The following MUC13 variants were observed in gnomAD, a reference collection of about 807,000 sequenced individuals.
The protein encoded by MUC13 is mucin 13, cell surface associated.
MUC13 carries 32 observed loss-of-function variants against 48.3 expected under a neutral mutation model. The observed-to-expected ratio is 0.66, with a 90% confidence interval of 0.50 to 0.89. The LOEUF (loss-of-function observed/expected upper bound fraction) is 0.89. MUC13 is among the 40% of genes least tolerant of loss of function. The pLI is 0.00. For synonymous variants in MUC13, 199 were observed against 224.9 expected (o/e 0.88, Z 1.03); for missense variants, 571 against 622.8 (o/e 0.92, Z 0.88).
intron 6 of MUC13, among the ~76,000 whole-genome samples, chr3:124,915,554 G>T (rs764140016): frequency 5.9e-5 from 9 of 152,158 alleles, no homozygotes; most frequent in Non-Finnish European, 1.3e-4. Context: ...ATCCACTTGA[G>T]CCCAGCTCAA....
At chr3:124,920,452 C>T (rs1935576385) in intron 4 of MUC13, among the ~76,000 whole-genome samples, 163 bp from the exon 5 acceptor site, 1 of 152,194 alleles carries the variant, frequency 6.6e-6, no homozygotes, top group Admixed American at 6.5e-5. Context: ...TGAGCTGGGA[C>T]TGCCCCCACA....
intron 2 of MUC13, among the ~76,000 whole-genome samples, chr3:124,925,485 T>C (rs568337066): frequency 1.3e-5 from 2 of 152,340 alleles, no homozygotes; most frequent in African/African-American, 2.4e-5. Flanking sequence ...GGTTTATCAA[T>C]TGTAATAAAC....
In MUC13 at chr3:124,910,509, A is replaced by G; in HGVS notation, c.1253-10T>C. ...AGGATCAGCTGAAATTCTGAAAGGA[A>G]GAAGAAAATAAGAACAGTCTCCAAC... On this transcript the variant is annotated splice_polypyrimidine_tract_variant and intron_variant, in intron 9 of 11. Coordinates refer to ENST00000616727, the MANE Select transcript of MUC13 (RefSeq NM_033049.4). The G allele has an allele frequency of 6.2e-7, 1 of 1,613,946 alleles. No individual in the cohort carries two copies. The highest frequency in any genetic ancestry group is 1.1e-5 in the South Asian group (1 of 91,070).
rs1559996622 is a variant in MUC13, at chr3:124,910,600, G to A, written c.1253-101C>T. 9 of 1,522,232 alleles carry A rather than the reference G, an allele frequency of 5.9e-6. No individual in the cohort carries two copies. The East Asian group carries it at 1.2e-4, about 21-fold the overall frequency. 94.3% of individuals were successfully genotyped at this position (1,522,232 alleles called of 1,614,324 possible). A position where few individuals can be genotyped will look rare whatever the true frequency, so the allele number is the denominator to read the frequency against. On this transcript the variant is annotated intron_variant, in intron 9 of 11. Transcript: ENST00000616727. ...CCCAGGGACTCCTAGCTGTGAAGAC[G>A]ATCAGGTTCTGGTCTCCAACCCTCC...
intron 6 of MUC13, among the ~76,000 whole-genome samples, chr3:124,915,630 G>A (rs934478883): frequency 1.3e-5 from 2 of 152,160 alleles, no homozygotes; most frequent in East Asian, 1.9e-4. Flanking sequence ...CACTACCTTC[G>A]TAACACAGCA....
At chr3:124,929,861 T>C (rs9882808) in intron 1 of MUC13, among the ~76,000 whole-genome samples, 18,778 of 152,196 alleles carry the variant, frequency 0.12, 1,414 homozygotes, top group South Asian at 0.19. Context: ...ATCCATTTAA[T>C]GAAAAAGCCA....
intron 2 of MUC13, 85 bp from the exon 3 acceptor site, chr3:124,923,734 C>G: frequency 7.4e-7 from 1 of 1,353,188 alleles, no homozygotes; most frequent in Non-Finnish European, 1.0e-6. Flanking sequence ...CTTCATGCCT[C>G]CCCCCTGGGC....
rs548329358 is a variant in MUC13 at position 124,906,760 on chromosome 3, G to A, written c.*1-18C>T. On this transcript the variant is annotated intron_variant, in intron 11 of 11. Coordinates refer to ENST00000616727, the MANE Select transcript of MUC13 (RefSeq NM_033049.4). Reference sequence around the variant, plus strand: ...TTATGATTCTAGACAGAAAGAGAGAGGGAGAGACAATACTCTTAGAAAATA... The same window carrying A: ...TTATGATTCTAGACAGAAAGAGAGAAGGAGAGACAATACTCTTAGAAAATA... The A allele has an allele frequency of 2.0e-5, 3 of 152,288 alleles. No individual in the cohort carries two copies. The highest frequency in any genetic ancestry group is 2.1e-4 in the South Asian group (1 of 4,820). The allele number at this position is 152,288 out of a possible 1,614,324, so 9.4% of individuals were successfully genotyped here.
chr3:124,920,260 A>T lies in MUC13; in HGVS notation c.774T>A (p.Tyr258Ter), dbSNP rs1274361304. Reference sequence around the variant, plus strand: ...TTACAGTAAGAATTACAGTCTGTCCATAAACAGATGTGCCAAATACATCTT... The same window carrying T: ...TTACAGTAAGAATTACAGTCTGTCCTTAAACAGATGTGCCAAATACATCTT... ...LFKDVFGTSV[Y>*]GQTVILTVST... Residue 258 changes from tyrosine (Y) to a stop codon, truncating the protein, a stop_gained, in exon 5 of 12, where the codon TAT becomes TAA. Transcript: ENST00000616727. LOFTEE classifies it high-confidence loss of function. 1 of 1,607,126 alleles carries T rather than the reference A, an allele frequency of 6.2e-7. No individual in the cohort carries two copies. The highest frequency in any genetic ancestry group is 1.3e-5 in the African/African-American group (1 of 74,866).
rs377618805 is a variant in MUC13 at position 124,913,672 on chromosome 3, C to T, written c.974G>A (p.Arg325Gln). ...SNFLNYDLTL[R>Q]CDYYGCNQTA... Reference sequence around the variant, plus strand: ...CTGGTTACAGCCATAATAATCACACCGAAGGGTCACTGAGAAGCACAAATA... The same window carrying T: ...CTGGTTACAGCCATAATAATCACACTGAAGGGTCACTGAGAAGCACAAATA... The change falls in exon 7 of 12, where the codon CGG becomes CAG. Residue 325 changes from arginine (R) to glutamine (Q), a missense_variant. Physicochemically the swap from Arg to Gln is conservative, Grantham distance 43 (BLOSUM62 1). Transcript: ENST00000616727. The T allele has an allele frequency of 3.1e-6, 5 of 1,613,950 alleles. No individual in the cohort carries two copies. The highest frequency in any genetic ancestry group is 4.2e-6 in the Non-Finnish European group (5 of 1,179,986).
chr3:124,918,504 T>G (rs953945415), intron 5 of MUC13, among the ~76,000 whole-genome samples: 1 of 152,208 alleles, frequency 6.6e-6, no homozygotes, highest in African/African-American at 2.4e-5. Flanking sequence ...AGGAAACAGA[T>G]GATGTTGAAA....
chr3:124,916,604 G>T, intron 5 of MUC13, 124 bp from the exon 6 acceptor site: 1 of 1,010,806 alleles, frequency 9.9e-7, no homozygotes, highest in Non-Finnish European at 1.5e-6. Context: ...CCTATGATTC[G>T]GACCCACATA....
At chr3:124,908,512 G>A (rs1430692043) in intron 10 of MUC13, among the ~76,000 whole-genome samples, 164 bp from the exon 11 acceptor site, 1 of 152,130 alleles carries the variant, frequency 6.6e-6, no homozygotes, top group Non-Finnish European at 1.5e-5. Flanking sequence ...TTATCACCCA[G>A]ATTCCCTAAT....
intron 9 of MUC13, 52 bp downstream of exon 9, chr3:124,912,052 A>G (rs1935428022): frequency 6.3e-7 from 1 of 1,595,010 alleles, no homozygotes; most frequent in Non-Finnish European, 8.6e-7. Flanking sequence ...GTCACTATTG[A>G]TTTCTCAGAT....
At chr3:124,923,393 G>T in intron 3 of MUC13, 134 bp downstream of exon 3, 1 of 886,328 alleles carries the variant, frequency 1.1e-6, no homozygotes, top group Non-Finnish European at 1.7e-6. Flanking sequence ...TCTCTACTTT[G>T]CTGGCCTTTG....
Position 124,920,267 on chromosome 3 carries a change from G to C in MUC13, c.767C>G (p.Ser256Cys), listed in dbSNP as rs1935572463. 1 of 1,606,448 alleles carries C rather than the reference G, an allele frequency of 6.2e-7. No individual in the cohort carries two copies. Among genetic ancestry groups the C allele is most frequent in the Admixed American group, 1.7e-5 (1 of 59,400 alleles). Reference sequence around the variant, plus strand: ...AAGAATTACAGTCTGTCCATAAACAGATGTGCCAAATACATCTTTAAACTG... The same window carrying C: ...AAGAATTACAGTCTGTCCATAAACACATGTGCCAAATACATCTTTAAACTG... ...TSLFKDVFGT[S>C]VYGQTVILTV... The change falls in exon 5 of 12, where the codon TCT (serine) becomes TGT (cysteine). Residue 256 changes from serine to cysteine, a missense_variant. By Grantham distance (112) the Ser-to-Cys change is moderately radical (BLOSUM62 -1). Transcript: ENST00000616727.
chr3:124,916,551 A>G, intron 5 of MUC13, 71 bp from the exon 6 acceptor site: 2 of 1,486,768 alleles, frequency 1.3e-6, no homozygotes, highest in South Asian at 2.4e-5. Context: ...AATCTCCCAG[A>G]CTCCCGAATC....
In MUC13 at chr3:124,922,197, C is replaced by G; in HGVS notation, c.744G>C (p.Leu248Phe). The G allele has an allele frequency of 6.2e-7, 1 of 1,613,720 alleles. No individual in the cohort carries two copies. Among genetic ancestry groups the G allele is most frequent in the Non-Finnish European group, 8.5e-7 (1 of 1,179,882 alleles). Residue 248 changes from leucine to phenylalanine, a missense_variant and splice_region_variant, in exon 4 of 12, where the codon TTG becomes TTC. Transcript: ENST00000616727. ...GAAAGGAAAGTTGGAAAATACTTAC[C>G]AAGCTAGTAATTTCACTATGCAAGT... ...YQDLHSEITS[L>F]FKDVFGTSVY...
At chr3:124,932,039 C>CT (rs1227879702) in intron 1 of MUC13, among the ~76,000 whole-genome samples, 1 of 152,084 alleles carries the variant, frequency 6.6e-6, no homozygotes, top group Non-Finnish European at 1.5e-5. Flanking sequence ...GAACAAAACT[C>CT]TGTCTCAAAA....
Sources: gnomAD v4.1 joint callset for allele counts (sites outside exome capture counted in the v4.1 genomes callset) on GRCh38, gnomAD v4.1.1 for gene constraint, MANE v1.5 for transcripts, NCBI Gene and HGNC (gene_info 2026-07-23, HGNC 2026-07-21) for gene names.